Variants in BDH1 observed in about 807,000 individuals in gnomAD.
The protein encoded by BDH1 is 3-hydroxybutyrate dehydrogenase 1, also known as D-beta-hydroxybutyrate dehydrogenase, mitochondrial.
In BDH1, 30 loss-of-function variants were observed where a neutral mutation model predicts 33.1. The ratio of observed to expected loss-of-function variants is 0.91; its 90% confidence interval spans 0.68 to 1.23. The LOEUF (loss-of-function observed/expected upper bound fraction) is 1.23. Among genes scored for constraint, BDH1 ranks in the 50% most tolerant of loss-of-function variants. The pLI is 0.00. For missense variants in BDH1, 443 were observed against 464.4 expected, an observed-to-expected ratio of 0.95 and a Z score of 0.42; for synonymous variants, 190 against 183.6, an observed-to-expected ratio of 1.03 and a Z score of -0.28.
intron 5 of BDH1, among the ~76,000 whole-genome samples, chr3:197,524,784 G>A (rs575881968): frequency 3.9e-4 from 60 of 152,206 alleles, no homozygotes; most frequent in Non-Finnish European, 5.3e-4. Context: ...GGGAAAGGTG[G>A]TACAGAGACA....
chr3:197,571,423 C>T (rs1189228697), intron 1 of BDH1, among the ~76,000 whole-genome samples: 1 of 152,104 alleles, frequency 6.6e-6, no homozygotes, highest in Non-Finnish European at 1.5e-5. Context: ...CTGTCCCCAC[C>T]CAAATCTCAT....
At position 197,525,869 on chromosome 3, in the gene BDH1, C is replaced by T. The variant is rs1361236781; in HGVS notation, c.268-3088G>A. On this transcript the variant is annotated intron_variant, in intron 5 of 7. Transcript: ENST00000392379. The surrounding 1 kb of genome is among the most constrained non-coding windows in gnomAD (Gnocchi z 4.9). ...TGTGCTCCCTCTGCAGGTCTCCGTG[C>T]TCCCTCTGCAGGTCTGTGTGCTCCC... Among the ~76,000 whole-genome samples the T allele has an allele frequency of 6.6e-6, 1 of 152,156 alleles. No homozygotes were observed. The highest frequency in any genetic ancestry group is 2.4e-5 in the African/African-American group (1 of 41,442).
chr3:197,542,696 A>G (rs1424567357), intron 3 of BDH1, among the ~76,000 whole-genome samples: 1 of 151,218 alleles, frequency 6.6e-6, no homozygotes, highest in African/African-American at 2.4e-5. Flanking sequence ...CTAATTTTGT[A>G]TTTTTATTAG....
chr3:197,513,869 T>A (rs1045932822), intron 7 of BDH1, among the ~76,000 whole-genome samples: 1 of 152,198 alleles, frequency 6.6e-6, no homozygotes, highest in Admixed American at 6.5e-5. Context: ...ACCACAATGA[T>A]CTCATTTTTT....
At chr3:197,545,329 C>A (rs1174750665) in intron 3 of BDH1, among the ~76,000 whole-genome samples, 2 of 152,166 alleles carry the variant, frequency 1.3e-5, no homozygotes, top group African/African-American at 2.4e-5. Context: ...ATCACACAAA[C>A]GATGCGGTGA....
At chr3:197,555,090 C>T (rs774022673) in intron 1 of BDH1, among the ~76,000 whole-genome samples, 5 of 152,276 alleles carry the variant, frequency 3.3e-5, no homozygotes, top group Admixed American at 6.5e-5. Context: ...TGGCCAGTCC[C>T]GGGCCCACCA....
intron 5 of BDH1, among the ~76,000 whole-genome samples, chr3:197,524,818 G>A (rs1379989036): frequency 1.3e-5 from 2 of 152,046 alleles, no homozygotes; most frequent in Non-Finnish European, 1.5e-5. Context: ...ACAGGAGGTC[G>A]GGCTGATCTC....
chr3:197,563,705 T>A (rs2108774767), intron 1 of BDH1, among the ~76,000 whole-genome samples: 1 of 152,290 alleles, frequency 6.6e-6, no homozygotes. Context: ...TTTTAAAAAG[T>A]GTGTCATTTT....
In BDH1 at chr3:197,516,475, C is replaced by T. The variant is rs1476044751; in HGVS notation, c.410-2059G>A. ...GGACCTAGTTGCCATCTGGAATCCT[C>T]AGCCAATGTTCTGAATAAACTCACG... is the stretch of plus-strand genomic sequence containing the variant. On this transcript the variant is annotated intron_variant, in intron 6 of 7. Coordinates refer to ENST00000392379, the MANE Select transcript of BDH1 (RefSeq NM_203314.3). The surrounding 1 kb of genome is among the most constrained non-coding windows in gnomAD (Gnocchi z 4.2). 6.6e-6 allele frequency among the ~76,000 whole-genome samples: 1 copy of T among 152,148 alleles called. No individual in the cohort carries two copies. The highest frequency in any genetic ancestry group is 1.5e-5 in the Non-Finnish European group (1 of 68,030).
intron 3 of BDH1, 97 bp from the exon 4 acceptor site, chr3:197,533,658 C>G (rs1231099412): frequency 7.6e-6 from 9 of 1,177,882 alleles, no homozygotes; most frequent in Non-Finnish European, 1.1e-5. Context: ...CCAGCCCCGG[C>G]TCCTGGAGAC....
chr3:197,539,446 T>C (rs1715418659), intron 3 of BDH1, among the ~76,000 whole-genome samples: 1 of 152,206 alleles, frequency 6.6e-6, no homozygotes, highest in South Asian at 2.1e-4. Context: ...AGACTATAGT[T>C]TATAGTTTAA....
chr3:197,514,276 G>A lies in BDH1; in HGVS notation c.550C>T (p.Arg184Ter), dbSNP rs746963745. 67 of 1,612,840 alleles carry A rather than the reference G, an allele frequency of 4.2e-5. No homozygotes were observed. Among genetic ancestry groups the A allele is most frequent in the Admixed American group, 6.7e-5 (4 of 59,912 alleles). Residue 184 changes from arginine to a stop codon, truncating the protein, a stop_gained, in exon 7 of 8, where the codon CGA becomes TGA. Coordinates refer to ENST00000392379, the MANE Select transcript of BDH1 (RefSeq NM_203314.3). LOFTEE classifies it high-confidence loss of function. This position sits in a 1 kb window ranked among gnomAD's most constrained non-coding sequence, Gnocchi z 4.2. ...RMTKSFLPLI[R>*]RAKGRVVNIS... ...CTTTCCCACTCACCTTTGGCCCTTC[G>A]GATGAGGGGGAGAAAGGATTTCGTC...
chr3:197,539,820 A>T (rs1212397445), intron 3 of BDH1, among the ~76,000 whole-genome samples: 1 of 152,176 alleles, frequency 6.6e-6, no homozygotes, highest in Non-Finnish European at 1.5e-5. Context: ...CCCACCCACC[A>T]AATTATCCTT....
At position 197,512,606 on chromosome 3, in the gene BDH1, C is replaced by G. The variant is rs191475839; in HGVS notation, c.563-242G>C. Among the ~76,000 whole-genome samples, 138 of 152,308 alleles carry G rather than the reference C, an allele frequency of 9.1e-4. 3 individuals carry two copies. Among genetic ancestry groups the G allele is most frequent in the Admixed American group, 7.3e-3 (111 of 15,310 alleles). ...CAAGTGAGTGAGAAGCAGCAGGGCACAGTGTAATGGGCAACACGCAACTGA... is the reference window on the plus strand; with the variant it reads ...CAAGTGAGTGAGAAGCAGCAGGGCAGAGTGTAATGGGCAACACGCAACTGA... On this transcript the variant is annotated intron_variant, in intron 7 of 7. Coordinates refer to ENST00000392379, the MANE Select transcript of BDH1 (RefSeq NM_203314.3).
chr3:197,544,197 C>G (rs1715890241), intron 3 of BDH1, among the ~76,000 whole-genome samples: 1 of 152,246 alleles, frequency 6.6e-6, no homozygotes, highest in South Asian at 2.1e-4. Flanking sequence ...CCTTCTGTAC[C>G]TGGGTCCCCC....
upstream of BDH1, among the ~76,000 whole-genome samples, chr3:197,556,245 G>GGT (rs1330024776): frequency 6.6e-6 from 1 of 152,258 alleles, no homozygotes; most frequent in Non-Finnish European, 1.5e-5. Flanking sequence ...GAGGCCGGAG[G>GGT]GTGAAGGCGC....
chr3:197,540,646 G>A (rs1277196459), intron 3 of BDH1, among the ~76,000 whole-genome samples: 1 of 152,144 alleles, frequency 6.6e-6, no homozygotes, highest in Non-Finnish European at 1.5e-5. Flanking sequence ...TCCAGCCTGG[G>A]CGAGAGTGAG....
intron 2 of BDH1, 79 bp from the exon 3 acceptor site, chr3:197,546,565 T>G: frequency 1.0e-6 from 1 of 972,082 alleles, no homozygotes; most frequent in Non-Finnish European, 1.6e-6. Context: ...CCTTTCAGGT[T>G]GTGAAAGTCA....
At chr3:197,553,713 G>A (rs923039744) in intron 2 of BDH1, among the ~76,000 whole-genome samples, 5 of 152,168 alleles carry the variant, frequency 3.3e-5, no homozygotes, top group Non-Finnish European at 5.9e-5. Context: ...GTTGTATATT[G>A]CACCACTGCA....
Sources: gnomAD v4.1 joint callset for allele counts (sites outside exome capture counted in the v4.1 genomes callset) on GRCh38, gnomAD v4.1.1 for gene constraint, Gnocchi (gnomAD v3.1) non-coding constraint, MANE v1.5 for transcripts, NCBI Gene and HGNC (gene_info 2026-07-23, HGNC 2026-07-21) for gene names.